Variants in SIK3 observed in about 807,000 individuals in gnomAD.
SIK3 encodes the protein SIK family kinase 3.
SIK3 carries 28 observed loss-of-function variants against 144.2 expected under a neutral mutation model. The observed-to-expected ratio is 0.19, with a 90% CI of 0.14 to 0.27. The LOEUF is 0.27. Ranked by LOEUF, SIK3 falls within the 10% of genes least tolerant of loss-of-function variation. The pLI, the probability that SIK3 is intolerant of heterozygous loss-of-function variation, is 1.00. For synonymous variants in SIK3, 686 were observed against 676.3 expected (o/e 1.01, Z -0.22); for missense variants, 1,319 against 1,776.0 (o/e 0.74, Z 4.62).
Position 116,846,226 on chromosome 11 carries a change from C to T in SIK3, c.*13+157G>A, listed in dbSNP as rs1204184680. Among the ~76,000 whole-genome samples the T allele has an allele frequency of 5.9e-5, 9 of 152,310 alleles. No homozygotes were observed. The highest frequency in any genetic ancestry group is 1.7e-4 in the African/African-American group (7 of 41,578). On this transcript the variant is annotated intron_variant, in intron 24 of 24. Transcript: ENST00000445177. This position sits in a 1 kb window ranked among gnomAD's most constrained non-coding sequence, Gnocchi z 4.1. ...CCTCGCGCCCTAAAACTAGCAGCGT[C>T]GTTAATGAAAAGCAAGAAACTGTGA...
intron 1 of SIK3, among the ~76,000 whole-genome samples, chr11:117,086,405 T>C (rs1955005911): frequency 6.6e-6 from 1 of 152,178 alleles, no homozygotes; most frequent in Non-Finnish European, 1.5e-5. Context: ...TAAAAATCAA[T>C]GGTAGGCTGG....
rs751961166 is a variant in SIK3, at chr11:116,846,394, T to C, written c.*2A>G. 1 of 1,614,022 alleles carries C rather than the reference T, an allele frequency of 6.2e-7. No individual in the cohort carries two copies. Among genetic ancestry groups the C allele is most frequent in the Non-Finnish European group, 8.5e-7 (1 of 1,179,966 alleles). On this transcript the variant is annotated 3_prime_UTR_variant, in exon 24 of 25. Transcript: ENST00000445177. The surrounding 1 kb of genome is among the most constrained non-coding windows in gnomAD (Gnocchi z 4.1). ...AGGGTGACACTCACTCTCTGTTTCT[T>C]GTTACACGCCTGCCTGCTCCATGCT...
At position 116,967,007 on chromosome 11, in the gene SIK3, AAAAAAAAG is replaced by A. The variant is rs1389538785; in HGVS notation, c.274-9951_274-9944del. On this transcript the variant is annotated intron_variant, in intron 1 of 24. Coordinates refer to ENST00000445177, the MANE Select transcript of SIK3 (RefSeq NM_001366686.3). The stretch of plus-strand genomic sequence containing the variant: ...TGACAGAGCAAGACTCTGTTTCAAA[AAAAAAAAG>A]AAAAAGAAAAAGAAAAAGAAAAGAA... Among the ~76,000 whole-genome samples the A allele has an allele frequency of 1.2e-3, 172 of 148,498 alleles. 3 individuals carry two copies. Among genetic ancestry groups the A allele is most frequent in the African/African-American group, 3.8e-3 (152 of 39,962 alleles).
At chr11:116,965,734 A>AATATATATATATATAT (rs58587995) in intron 1 of SIK3, among the ~76,000 whole-genome samples, 38 of 118,344 alleles carry the variant, frequency 3.2e-4, no homozygotes, top group African/African-American at 1.0e-3. Flanking sequence ...TCTCTGCTAA[A>AATATATATATATATAT]ATATATATAT....
intron 3 of SIK3, among the ~76,000 whole-genome samples, chr11:116,929,232 T>C (rs954999957): frequency 1.2e-4 from 19 of 152,228 alleles, no homozygotes; most frequent in African/African-American, 4.6e-4. Context: ...ATTCTAATAA[T>C]ATGTTTTAGT....
At chr11:116,965,565 A>C (rs895332418) in intron 1 of SIK3, among the ~76,000 whole-genome samples, 1 of 151,030 alleles carries the variant, frequency 6.6e-6, no homozygotes, top group Admixed American at 6.6e-5. Context: ...AAGGTTAAGG[A>C]GCTGTTGAAA....
chr11:116,881,372 TGCCAACAGAAC>T (rs1352278933), intron 6 of SIK3, among the ~76,000 whole-genome samples: 3 of 152,090 alleles, frequency 2.0e-5, no homozygotes, highest in Non-Finnish European at 4.4e-5. Context: ...AAACCTGATC[TGCCAACAGAAC>T]GTTAACTAGA....
chr11:116,929,763 T>A (rs574803055), intron 3 of SIK3, among the ~76,000 whole-genome samples: 12 of 152,342 alleles, frequency 7.9e-5, no homozygotes, highest in Admixed American at 7.2e-4. Context: ...ACGTTAAAAC[T>A]TTCACTTTCA....
chr11:116,942,104 G>C (rs1948339529), intron 3 of SIK3, among the ~76,000 whole-genome samples: 1 of 151,982 alleles, frequency 6.6e-6, no homozygotes, highest in South Asian at 2.1e-4. Flanking sequence ...TCTCTATACA[G>C]TTACCCAAAA....
At chr11:116,850,617 C>T (rs1243677041) in intron 21 of SIK3, among the ~76,000 whole-genome samples, 2 of 152,222 alleles carry the variant, frequency 1.3e-5, no homozygotes, top group African/African-American at 4.8e-5. Context: ...TCACATTAGA[C>T]TATAAATTCT....
At chr11:116,890,483 A>AT (rs1945042835) in intron 6 of SIK3, among the ~76,000 whole-genome samples, 1 of 152,228 alleles carries the variant, frequency 6.6e-6, no homozygotes, top group African/African-American at 2.4e-5. Context: ...TTCAGATTTC[A>AT]TATTTACTAA....
intron 1 of SIK3, among the ~76,000 whole-genome samples, chr11:117,044,873 A>AC (rs1340058169): frequency 2.0e-5 from 3 of 152,100 alleles, no homozygotes; most frequent in Admixed American, 6.5e-5. Context: ...ACAGAGCAAG[A>AC]CCCCCATTTC....
At position 116,917,845 on chromosome 11, in the gene SIK3, G is replaced by GGAAAGGAAAGGAAAC. The variant is rs1366621786; in HGVS notation, c.616+9373_616+9374insGTTTCCTTTCCTTTC. Among the ~76,000 whole-genome samples the GGAAAGGAAAGGAAAC allele has an allele frequency of 1.2e-3, 176 of 150,516 alleles. 1 individual carries two copies. The highest frequency in any genetic ancestry group is 1.9e-3 in the Non-Finnish European group (131 of 67,658). ...GAAGAAGGAAGGAAAGGAAAGGAAAGGAAAGGAAAGGAAAGGAAAGGAAAG... is the reference window on the plus strand; with the variant it reads ...GAAGAAGGAAGGAAAGGAAAGGAAAGGAAAGGAAAGGAAACGAAAGGAAAGGAAAGGAAAGGAAAG... On this transcript the variant is annotated intron_variant, in intron 4 of 24. Transcript: ENST00000445177.
intron 1 of SIK3, among the ~76,000 whole-genome samples, chr11:117,070,159 A>C (rs895588367): frequency 1.3e-5 from 2 of 152,254 alleles, no homozygotes; most frequent in African/African-American, 4.8e-5. Flanking sequence ...TGGTAACCTC[A>C]AATACAACCC....
intron 3 of SIK3, among the ~76,000 whole-genome samples, chr11:116,949,974 G>A (rs12419437): frequency 0.072 from 11,011 of 152,056 alleles, 488 homozygotes; most frequent in Middle Eastern, 0.11. Context: ...TCTGAGTGAC[G>A]CTCCCACTCT....
At chr11:116,947,569 A>ATGTATGTATGTATGTATT (rs374241141) in intron 3 of SIK3, among the ~76,000 whole-genome samples, 13 of 109,442 alleles carry the variant, frequency 1.2e-4, no homozygotes, top group Admixed American at 3.4e-4. Flanking sequence ...GTATGTATGT[A>ATGTATGTATGTATGTATT]TTTTTTTTTT....
At chr11:116,914,529 CA>C (rs1331317220) in intron 4 of SIK3, among the ~76,000 whole-genome samples, 4 of 152,084 alleles carry the variant, frequency 2.6e-5, no homozygotes, top group Non-Finnish European at 5.9e-5. Flanking sequence ...TGATGGACCA[CA>C]AATGTATTCT....
chr11:116,882,038 G>A (rs1260789517), intron 6 of SIK3, among the ~76,000 whole-genome samples: 13 of 152,124 alleles, frequency 8.5e-5, no homozygotes, highest in Admixed American at 8.5e-4. Context: ...GGTATTCTGG[G>A]TTATGAAAAC....
chr11:117,027,525 C>A (rs929266603), intron 1 of SIK3, among the ~76,000 whole-genome samples: 2 of 151,864 alleles, frequency 1.3e-5, no homozygotes, highest in South Asian at 2.1e-4. Context: ...TGCAATGGTG[C>A]AATCTCGGCT....
Sources: gnomAD v4.1 joint callset for allele counts (sites outside exome capture counted in the v4.1 genomes callset) on GRCh38, gnomAD v4.1.1 for gene constraint, Gnocchi (gnomAD v3.1) non-coding constraint, MANE v1.5 for transcripts, NCBI Gene and HGNC (gene_info 2026-07-23, HGNC 2026-07-21) for gene names.